INTS3: variants seen among roughly 807,000 people sequenced by gnomAD.
INTS3 encodes SOSS complex subunit A.
A neutral mutation model predicts 146.3 loss-of-function variants in INTS3; 34 were observed. The ratio of observed to expected loss-of-function variants is 0.23; its 90% CI spans 0.18 to 0.31. The LOEUF is 0.31. INTS3 is among the 10% of genes least tolerant of loss of function. The pLI is 1.00. For missense variants in INTS3, 757 were observed against 1,304.2 expected, an observed-to-expected ratio of 0.58 and a Z score of 6.46; for synonymous variants, 475 against 494.9, an observed-to-expected ratio of 0.96 and a Z score of 0.53.
At chr1:153,748,630 G>A (rs1671840978) in intron 5 of INTS3, 59 bp from the exon 6 acceptor site, 1 of 1,347,626 alleles carries the variant, frequency 7.4e-7, no homozygotes, top group Middle Eastern at 1.8e-4. Flanking sequence ...GTGAAGAGAT[G>A]TATTGGATTG....
At chr1:153,749,749 T>G (rs996681094) in intron 6 of INTS3, among the ~76,000 whole-genome samples, 1 of 152,358 alleles carries the variant, frequency 6.6e-6, no homozygotes, top group African/African-American at 2.4e-5. Flanking sequence ...CTTTCAACTC[T>G]TTCTTTCTCT....
At chr1:153,759,400 G>T in intron 10 of INTS3, 126 bp from the exon 11 acceptor site, 2 of 726,798 alleles carry the variant, frequency 2.8e-6, no homozygotes, top group Admixed American at 3.8e-5. Flanking sequence ...ATTTCACCGT[G>T]TTTCACTAGG....
intron 13 of INTS3, 46 bp from the exon 14 acceptor site, chr1:153,761,520 TAAAA>T: frequency 7.4e-7 from 1 of 1,354,982 alleles, no homozygotes; most frequent in Non-Finnish European, 1.0e-6. Flanking sequence ...CAAAAAAAAA[TAAAA>T]ATAAGAGAAG....
chr1:153,741,701 T>C (rs1214595350), intron 3 of INTS3, among the ~76,000 whole-genome samples: 1 of 152,244 alleles, frequency 6.6e-6, no homozygotes, highest in Non-Finnish European at 1.5e-5. Flanking sequence ...TGAGAGTTCT[T>C]ATCCAGAAGA....
At chr1:153,734,969 T>G (rs560212839) in intron 1 of INTS3, among the ~76,000 whole-genome samples, 10 of 152,176 alleles carry the variant, frequency 6.6e-5, no homozygotes, top group African/African-American at 2.2e-4. Context: ...TTGAATAGTT[T>G]TTGTTTTGTT....
rs1491428244 is a variant in INTS3, at chr1:153,731,577, C to CTTTTTTT, written c.150+2794_150+2795insTTTTTTT. 1.7e-4 allele frequency among the ~76,000 whole-genome samples: 22 copies of CTTTTTTT among 129,258 alleles called. 5 individuals are homozygous for CTTTTTTT. The highest frequency in any genetic ancestry group is 1.6e-4 in the Non-Finnish European group (10 of 61,468). The allele number at this position is 129,258 out of a possible 152,430, so 84.8% of individuals were successfully genotyped here. A position where few individuals can be genotyped will look rare whatever the true frequency, so the allele number is the denominator to read the frequency against. Reference sequence around the variant, plus strand: ...TGAAAGTGGGAGGCCCAAGAGCGTCCTCTTTTTTTTTTTTTTTTTTTTTGA... The same window carrying CTTTTTTT: ...TGAAAGTGGGAGGCCCAAGAGCGTCCTTTTTTTTCTTTTTTTTTTTTTTTTTTTTTGA... On this transcript the variant is annotated intron_variant, in intron 1 of 29. Coordinates refer to ENST00000318967, the MANE Select transcript of INTS3 (RefSeq NM_023015.5).
intron 6 of INTS3, among the ~76,000 whole-genome samples, chr1:153,750,575 A>T (rs2101802298): frequency 6.6e-6 from 1 of 152,306 alleles, no homozygotes; most frequent in Admixed American, 6.5e-5. Flanking sequence ...AAGCAGACTG[A>T]GCTAGCACAG....
chr1:153,752,072 C>G (rs1671978752), intron 7 of INTS3: 2 of 587,160 alleles, frequency 3.4e-6, no homozygotes, highest in African/African-American at 1.9e-5. Flanking sequence ...CCACTAACCT[C>G]TCATCCTTGA....
At position 153,764,850 on chromosome 1, in the gene INTS3, G is replaced by T. The variant is rs12062984; in HGVS notation, c.1971-94G>T. Reference sequence around the variant, plus strand: ...CTTTCCAGGGAGGAGGACATATGCTGTGGGCACAGACAGCCCATGCCACCT... The same window carrying T: ...CTTTCCAGGGAGGAGGACATATGCTTTGGGCACAGACAGCCCATGCCACCT... On this transcript the variant is annotated intron_variant, in intron 19 of 29. Coordinates refer to ENST00000318967, the MANE Select transcript of INTS3 (RefSeq NM_023015.5). 5.1e-4 allele frequency: 794 copies of T among 1,557,524 alleles called. 3 individuals are homozygous for T. In the African/African-American group the frequency reaches 9.7e-3, roughly 19 times the overall value.
At chr1:153,769,094 T>C in intron 22 of INTS3, 133 bp downstream of exon 22, 7 of 717,990 alleles carry the variant, frequency 9.7e-6, no homozygotes, top group Middle Eastern at 3.8e-4. Flanking sequence ...GCTACAGTGG[T>C]GTGCGCTTTC....
At chr1:153,771,118 C>T (rs1029496916) in intron 25 of INTS3, among the ~76,000 whole-genome samples, 2 of 152,082 alleles carry the variant, frequency 1.3e-5, no homozygotes, top group South Asian at 4.1e-4. Context: ...AGGGGTCACG[C>T]ACCATCCTCT....
rs1459304805 is a variant in INTS3, at chr1:153,772,105, A to G, written c.2720+142A>G. On this transcript the variant is annotated intron_variant, in intron 26 of 29. Coordinates refer to ENST00000318967, the MANE Select transcript of INTS3 (RefSeq NM_023015.5). The surrounding 1 kb of genome is among the most constrained non-coding windows in gnomAD (Gnocchi z 4.6). Reference sequence around the variant, plus strand: ...TTGTGGGCGACATCTAGTGGTCCGAAGCCACATGGCATGCGAGACCACCGT... The same window carrying G: ...TTGTGGGCGACATCTAGTGGTCCGAGGCCACATGGCATGCGAGACCACCGT... 6 of 1,013,708 alleles carry G rather than the reference A, an allele frequency of 5.9e-6. No individual in the cohort carries two copies. The highest frequency in any genetic ancestry group is 1.6e-5 in the African/African-American group (1 of 61,998). The allele number at this position is 1,013,708 out of a possible 1,614,324, so 62.8% of individuals were successfully genotyped here.
At chr1:153,761,419 A>G in intron 13 of INTS3, 151 bp from the exon 14 acceptor site, 2 of 605,610 alleles carry the variant, frequency 3.3e-6, no homozygotes, top group Non-Finnish European at 5.8e-6. Flanking sequence ...CTGAGGCACA[A>G]GAATCGCTTG....
chr1:153,729,697 C>A (rs1448725971), intron 1 of INTS3, among the ~76,000 whole-genome samples: 1 of 152,028 alleles, frequency 6.6e-6, no homozygotes, highest in Non-Finnish European at 1.5e-5. Context: ...GAAACCCCGT[C>A]TCTACTAAAA....
In INTS3 at chr1:153,765,123, C is replaced by T. The variant is rs572693975; in HGVS notation, c.2090+60C>T. On this transcript the variant is annotated intron_variant, in intron 20 of 29. Transcript: ENST00000318967. ...GACACATCCTGGAGAGCCTCTCTTC[C>T]ACACGCTGACTCCCCAACCCTGGAC... is the stretch of plus-strand genomic sequence containing the variant. 3.5e-5 allele frequency: 55 copies of T among 1,579,474 alleles called. No homozygotes were observed. In the African/African-American group the frequency reaches 6.6e-4, roughly 19 times the overall value.
chr1:153,746,757 T>C, intron 3 of INTS3, 200 bp from the exon 4 acceptor site: 1 of 553,064 alleles, frequency 1.8e-6, no homozygotes, highest in Non-Finnish European at 3.2e-6. Flanking sequence ...CCCCACTCTG[T>C]GTGACAGAAC....
chr1:153,764,641 C>G (rs771192067), intron 18 of INTS3, 49 bp from the exon 19 acceptor site: 2 of 1,405,738 alleles, frequency 1.4e-6, no homozygotes, highest in Non-Finnish European at 2.0e-6. Flanking sequence ...TCCGTATGTG[C>G]CAGCAGCCCC....
At chr1:153,762,062 A>G (rs184492525) in intron 14 of INTS3, among the ~76,000 whole-genome samples, 1 of 152,328 alleles carries the variant, frequency 6.6e-6, no homozygotes, top group African/African-American at 2.4e-5. Context: ...CCTTACTCTC[A>G]ATACAACTGC....
intron 15 of INTS3, 26 bp from the exon 16 acceptor site, chr1:153,763,207 C>T (rs758819411): frequency 1.2e-6 from 2 of 1,614,126 alleles, no homozygotes; most frequent in Non-Finnish European, 1.7e-6. Context: ...GGCAAACTGA[C>T]TTCTTTCCCA....
Sources: gnomAD v4.1 joint callset for allele counts (sites outside exome capture counted in the v4.1 genomes callset) on GRCh38, gnomAD v4.1.1 for gene constraint, Gnocchi (gnomAD v3.1) non-coding constraint, MANE v1.5 for transcripts, NCBI Gene and HGNC (gene_info 2026-07-23, HGNC 2026-07-21) for gene names.